LEMD3: variants seen among roughly 807,000 people sequenced by gnomAD.
LEMD3 encodes the protein LEM domain containing 3, also known as inner nuclear membrane protein Man1.
A neutral mutation model predicts 95.2 loss-of-function variants in LEMD3; 33 were observed. That is an observed-to-expected ratio of 0.35 (90% CI 0.26 to 0.46). The LOEUF (loss-of-function observed/expected upper bound fraction) is 0.46. LEMD3 is among the 20% of genes least tolerant of loss of function. The pLI is 1.00. For missense variants in LEMD3, 1,210 were observed against 1,192.8 expected (o/e 1.01, Z -0.21); for synonymous variants, 525 against 474.6 (o/e 1.11, Z -1.38).
chr12:65,192,046 C>T (rs922752064), intron 1 of LEMD3, among the ~76,000 whole-genome samples: 11 of 149,558 alleles, frequency 7.4e-5, no homozygotes, highest in African/African-American at 2.2e-4. Context: ...TGAAGTAATA[C>T]CTACTGATTT....
At chr12:65,228,380 G>A (rs148728718) in intron 4 of LEMD3, among the ~76,000 whole-genome samples, 107 of 128,850 alleles carry the variant, frequency 8.3e-4, no homozygotes, top group East Asian at 1.3e-3. Flanking sequence ...TATTATTATT[G>A]TTATTATTTA....
rs1461308206 is a variant in LEMD3 at position 65,248,168 on chromosome 12, T to G, written c.*1843T>G. The G allele has an allele frequency of 6.6e-6, 1 of 152,510 alleles. No homozygotes were observed. The highest frequency in any genetic ancestry group is 2.4e-5 in the African/African-American group (1 of 41,444). 9.4% of individuals were successfully genotyped at this position (152,510 alleles called of 1,614,324 possible). A position where few individuals can be genotyped will look rare whatever the true frequency, so the allele number is the denominator to read the frequency against. On this transcript the variant is annotated 3_prime_UTR_variant, in exon 13 of 13. Transcript: ENST00000308330. ...GTAATATATACTATTATGCAGCTTA[T>G]TTTACCTGAAACTGTTAAGCCGACC...
chr12:65,196,750 C>A (rs1487580244), intron 1 of LEMD3, among the ~76,000 whole-genome samples: 2 of 152,054 alleles, frequency 1.3e-5, no homozygotes, highest in East Asian at 3.9e-4. Flanking sequence ...CCAATGGTGA[C>A]CTCCAAATGC....
chr12:65,218,441 A>G, intron 3 of LEMD3, 111 bp from the exon 4 acceptor site: 1 of 580,756 alleles, frequency 1.7e-6, no homozygotes. Flanking sequence ...ACTGATTATA[A>G]TAATATAACC....
intron 1 of LEMD3, among the ~76,000 whole-genome samples, chr12:65,188,893 T>A (rs1188759628): frequency 2.0e-5 from 3 of 152,140 alleles, no homozygotes; most frequent in Admixed American, 2.0e-4. Context: ...AAGAATACAG[T>A]GCACCAGGGA....
At chr12:65,227,686 C>CG (rs1870493124) in intron 4 of LEMD3, among the ~76,000 whole-genome samples, 1 of 151,326 alleles carries the variant, frequency 6.6e-6, no homozygotes, top group South Asian at 2.1e-4. Flanking sequence ...GCTTTGAATG[C>CG]GGCCCAACAC....
intron 1 of LEMD3, among the ~76,000 whole-genome samples, chr12:65,202,599 A>T (rs1157956756): frequency 1.3e-5 from 2 of 152,178 alleles, no homozygotes; most frequent in African/African-American, 4.8e-5. Context: ...TGCTGAACTC[A>T]TATCTACTTC....
chr12:65,208,299 C>T (rs1357314200), intron 1 of LEMD3, among the ~76,000 whole-genome samples: 1 of 152,012 alleles, frequency 6.6e-6, no homozygotes, highest in African/African-American at 2.4e-5. Flanking sequence ...AAGGCTCTGC[C>T]TTTAGGGGAT....
intron 1 of LEMD3, among the ~76,000 whole-genome samples, chr12:65,207,768 G>A (rs1030594634): frequency 6.6e-6 from 1 of 152,110 alleles, no homozygotes; most frequent in Non-Finnish European, 1.5e-5. Context: ...AAATGCTTAG[G>A]ACTCTTAAAC....
intron 2 of LEMD3, among the ~76,000 whole-genome samples, chr12:65,213,558 T>C (rs1870009731): frequency 1.3e-5 from 2 of 152,184 alleles, no homozygotes; most frequent in South Asian, 4.1e-4. Context: ...ATAATTCTTG[T>C]AAAAAACTAT....
chr12:65,232,391 G>C (rs1385904762), intron 4 of LEMD3, among the ~76,000 whole-genome samples: 1 of 152,058 alleles, frequency 6.6e-6, no homozygotes, highest in Non-Finnish European at 1.5e-5. Context: ...GCCCCTACAA[G>C]TGTAAGCTAA....
chr12:65,181,010 A>ACACACACACACACACACACACACAC (rs1565780094), intron 1 of LEMD3, among the ~76,000 whole-genome samples: 1 of 151,976 alleles, frequency 6.6e-6, no homozygotes, highest in African/African-American at 2.4e-5. Flanking sequence ...ACACACACAC[A>ACACACACACACACACACACACACAC]ATTTTCTGAC....
chr12:65,211,020 A>G lies in LEMD3; in HGVS notation c.1560+57A>G, dbSNP rs1241354810. 3.2e-6 allele frequency: 4 copies of G among 1,265,814 alleles called. No homozygotes were observed. In the African/African-American group the frequency reaches 4.4e-5, roughly 14 times the overall value. 78.4% of individuals were successfully genotyped at this position (1,265,814 alleles called of 1,614,324 possible). Reference sequence around the variant, plus strand: ...GTGTCATGTTTTATATGATAAAAGCATGAGAATGACTATCAACTAAAAAAA... The same window carrying G: ...GTGTCATGTTTTATATGATAAAAGCGTGAGAATGACTATCAACTAAAAAAA... On this transcript the variant is annotated intron_variant, in intron 2 of 12. Coordinates refer to ENST00000308330, the MANE Select transcript of LEMD3 (RefSeq NM_014319.5).
At chr12:65,183,587 A>C (rs982883201) in intron 1 of LEMD3, among the ~76,000 whole-genome samples, 5 of 152,168 alleles carry the variant, frequency 3.3e-5, no homozygotes, top group Middle Eastern at 3.2e-3. Flanking sequence ...TGGAGATATT[A>C]ATTTGTCTAA....
At chr12:65,228,134 C>T (rs1400665515) in intron 4 of LEMD3, among the ~76,000 whole-genome samples, 2 of 151,998 alleles carry the variant, frequency 1.3e-5, no homozygotes. Context: ...TTCACTTCTT[C>T]CAACCATTTT....
intron 1 of LEMD3, among the ~76,000 whole-genome samples, chr12:65,183,662 C>T (rs1326385247): frequency 2.0e-5 from 3 of 152,104 alleles, no homozygotes; most frequent in Non-Finnish European, 4.4e-5. Context: ...AACCGCTGTC[C>T]TGTTTTTTGT....
chr12:65,213,057 C>G (rs1301932856), intron 2 of LEMD3, among the ~76,000 whole-genome samples: 1 of 151,602 alleles, frequency 6.6e-6, no homozygotes, highest in East Asian at 1.9e-4. Flanking sequence ...CTGCACTCTG[C>G]CACAGCCTGA....
chr12:65,191,668 C>T (rs1266750266), intron 1 of LEMD3, among the ~76,000 whole-genome samples: 1 of 152,096 alleles, frequency 6.6e-6, no homozygotes, highest in Non-Finnish European at 1.5e-5. Flanking sequence ...CATGGTGGCT[C>T]ATACCTGTAA....
intron 1 of LEMD3, among the ~76,000 whole-genome samples, chr12:65,203,613 T>C (rs1469891171): frequency 6.6e-6 from 1 of 151,392 alleles, no homozygotes; most frequent in Non-Finnish European, 1.5e-5. Context: ...GTGTATTCTG[T>C]TGTTGTTTGA....
Sources: gnomAD v4.1 joint callset for allele counts (sites outside exome capture counted in the v4.1 genomes callset) on GRCh38, gnomAD v4.1.1 for gene constraint, MANE v1.5 for transcripts, NCBI Gene and HGNC (gene_info 2026-07-23, HGNC 2026-07-21) for gene names.